Variants in RIN2 observed in about 807,000 individuals in gnomAD.
The protein encoded by RIN2 is RAB5 interacting protein 2.
In RIN2, 36 loss-of-function variants were observed where a neutral mutation model predicts 78.0. That is an observed-to-expected ratio of 0.46 (90% CI 0.35 to 0.61). The LOEUF is 0.61. Ranked by LOEUF, RIN2 falls within the 20% of genes least tolerant of loss-of-function variation. RIN2 has a pLI of 0.00. For synonymous variants in RIN2, 466 were observed against 466.8 expected, an observed-to-expected ratio of 1.00 and a Z score of 0.02; for missense variants, 1,087 against 1,159.7, an observed-to-expected ratio of 0.94 and a Z score of 0.91.
At chr20:19,942,624 T>G (rs985314035) in intron 4 of RIN2, among the ~76,000 whole-genome samples, 3 of 152,208 alleles carry the variant, frequency 2.0e-5, no homozygotes, top group South Asian at 2.1e-4. Context: ...TTGATGTGTA[T>G]CCTTCTGATG....
At chr20:19,848,380 C>A (rs534522964) in intron 2 of RIN2, among the ~76,000 whole-genome samples, 1 of 151,752 alleles carries the variant, frequency 6.6e-6, no homozygotes, top group East Asian at 1.9e-4. Flanking sequence ...TAAAAACACA[C>A]AAAAAATTAG....
In RIN2 at chr20:19,769,260, A is replaced by G. The variant is rs906432674; in HGVS notation, c.-163+10933A>G. Among the ~76,000 whole-genome samples the G allele has an allele frequency of 3.3e-5, 5 of 152,214 alleles. No homozygotes were observed. In the East Asian group the frequency reaches 9.7e-4, roughly 29 times the overall value. ...CGGCCAGCTTTCTGTTTCTATTATTATTGGCTCTGAGTTCCTTGAAGGGTA... is the reference window on the plus strand; with the variant it reads ...CGGCCAGCTTTCTGTTTCTATTATTGTTGGCTCTGAGTTCCTTGAAGGGTA... On this transcript the variant is annotated intron_variant, in intron 1 of 12. Coordinates refer to ENST00000255006, the MANE Select transcript of RIN2 (RefSeq NM_018993.4).
intron 2 of RIN2, among the ~76,000 whole-genome samples, chr20:19,856,590 G>A (rs1359900275): frequency 6.7e-6 from 1 of 150,292 alleles, no homozygotes; most frequent in African/African-American, 2.4e-5. Context: ...GGAAGGGAGG[G>A]AGGGAGGATG....
At chr20:19,851,065 G>A (rs1232309911) in intron 2 of RIN2, among the ~76,000 whole-genome samples, 1 of 150,084 alleles carries the variant, frequency 6.7e-6, no homozygotes, top group Non-Finnish European at 1.5e-5. Context: ...AGAAAGGAAG[G>A]AAGGAAGGAA....
intron 4 of RIN2, among the ~76,000 whole-genome samples, chr20:19,937,290 C>T (rs141680415): frequency 6.6e-6 from 1 of 152,344 alleles, no homozygotes; most frequent in East Asian, 1.9e-4. Context: ...AAGAGGAAAG[C>T]AGACCAGTAG....
chr20:19,759,830 C>T (rs1306775614), intron 1 of RIN2, among the ~76,000 whole-genome samples: 1 of 152,146 alleles, frequency 6.6e-6, no homozygotes, highest in Non-Finnish European at 1.5e-5. Context: ...TGCCACTCCA[C>T]TCAGCCTGGG....
chr20:19,779,088 G>A (rs1265478655), intron 1 of RIN2, among the ~76,000 whole-genome samples: 1 of 152,154 alleles, frequency 6.6e-6, no homozygotes, highest in African/African-American at 2.4e-5. Flanking sequence ...AGTGACGGGA[G>A]GATTTATCTT....
At chr20:19,778,249 A>G (rs1223293123) in intron 1 of RIN2, among the ~76,000 whole-genome samples, 1 of 152,258 alleles carries the variant, frequency 6.6e-6, no homozygotes, top group African/African-American at 2.4e-5. Flanking sequence ...ACATTTACAT[A>G]GACTCAGAAT....
At position 19,876,907 on chromosome 20, in the gene RIN2, A is replaced by AAC. The variant is rs1555782274; in HGVS notation, c.-36-12658_-36-12657insCA. ...GGCAATAGAGACTCCATCTCAAAAAAAAAAAACAAAAAACAAACAAACAAA... is the reference window on the plus strand; with the variant it reads ...GGCAATAGAGACTCCATCTCAAAAAAACAAAAAACAAAAAACAAACAAACAAA... On this transcript the variant is annotated intron_variant, in intron 2 of 12. Coordinates refer to ENST00000255006, the MANE Select transcript of RIN2 (RefSeq NM_018993.4). Among the ~76,000 whole-genome samples, 3 of 151,426 alleles carry AAC rather than the reference A, an allele frequency of 2.0e-5. 1 individual carries two copies. Among genetic ancestry groups the AAC allele is most frequent in the Admixed American group, 2.0e-4 (3 of 15,186 alleles).
At chr20:19,838,458 A>G (rs1461938788) in intron 2 of RIN2, among the ~76,000 whole-genome samples, 1 of 152,204 alleles carries the variant, frequency 6.6e-6, no homozygotes, top group Non-Finnish European at 1.5e-5. Flanking sequence ...TTATAACTAC[A>G]TATATATTTC....
chr20:19,928,908 A>G (rs1402608616), intron 3 of RIN2, among the ~76,000 whole-genome samples: 2 of 152,134 alleles, frequency 1.3e-5, no homozygotes, highest in Non-Finnish European at 2.9e-5. Flanking sequence ...GCAGGGAAAA[A>G]CAAACACAGG....
intron 4 of RIN2, among the ~76,000 whole-genome samples, chr20:19,942,118 A>AAAAAAAG (rs61328325): frequency 7.0e-6 from 1 of 142,998 alleles, no homozygotes. Flanking sequence ...TCAAAAAAAA[A>AAAAAAAG]AAAAGAAAGA....
At chr20:19,904,231 C>CAAAA (rs200273051) in intron 3 of RIN2, among the ~76,000 whole-genome samples, 2 of 121,100 alleles carry the variant, frequency 1.7e-5, no homozygotes, top group African/African-American at 5.5e-5. Context: ...GACTTCGTCT[C>CAAAA]AAAAAAAAAA....
rs375687582 is a variant in RIN2 at position 19,975,036 on chromosome 20, A to T, written c.1011A>T (p.Thr337=). Residue 337 remains threonine (T), a synonymous_variant, in exon 9 of 13, where the codon ACA becomes ACT. Coordinates refer to ENST00000255006, the MANE Select transcript of RIN2 (RefSeq NM_018993.4). This position sits in a 1 kb window ranked among gnomAD's most constrained non-coding sequence, Gnocchi z 4.9. ...AAACCCAGACGAGCATGCCAGAAAC[A>T]GTCAACCATAACAAACATGGGAACG... ...RTETQTSMPE[T]VNHNKHGNVA... is the part of the protein sequence containing the mutation. 12 of 1,613,320 alleles carry T rather than the reference A, an allele frequency of 7.4e-6. No homozygotes were observed. The highest frequency in any genetic ancestry group is 1.0e-5 in the Non-Finnish European group (12 of 1,179,836).
intron 8 of RIN2, among the ~76,000 whole-genome samples, chr20:19,973,522 C>T (rs2042171383): frequency 1.3e-5 from 2 of 152,230 alleles, no homozygotes; most frequent in Admixed American, 1.3e-4. Context: ...GGCACAGTGG[C>T]TCACTCCTGT....
Position 19,975,538 on chromosome 20 carries a change from A to G in RIN2, c.1513A>G (p.Ser505Gly). 6.2e-7 allele frequency: 1 copy of G among 1,614,042 alleles called. No individual in the cohort carries two copies. The highest frequency in any genetic ancestry group is 8.5e-7 in the Non-Finnish European group (1 of 1,179,890). ...SQLQKVSGVF[S>G]SFMTPEKRMV... ...GCTGCAGAAGGTGAGCGGGGTGTTC[A>G]GCTCCTTCATGACCCCGGAGAAGCG... is the stretch of plus-strand genomic sequence containing the variant. The change falls in exon 9 of 13, where the codon AGC (serine) becomes GGC (glycine). Residue 505 changes from serine to glycine, a missense_variant. Ser to Gly is a moderately conservative substitution (Grantham distance 56). Transcript: ENST00000255006. The surrounding 1 kb of genome is among the most constrained non-coding windows in gnomAD (Gnocchi z 4.9).
intron 6 of RIN2, 39 bp downstream of exon 6, chr20:19,960,850 G>C: frequency 7.8e-7 from 1 of 1,288,020 alleles, no homozygotes; most frequent in Middle Eastern, 1.8e-4. Flanking sequence ...GACTGACAGG[G>C]CCACGGGGCT....
At chr20:19,930,516 A>G (rs1279558807) in intron 3 of RIN2, among the ~76,000 whole-genome samples, 1 of 152,204 alleles carries the variant, frequency 6.6e-6, no homozygotes, top group Non-Finnish European at 1.5e-5. Context: ...TTATGTTCAA[A>G]TCAGTATGAT....
intron 4 of RIN2, among the ~76,000 whole-genome samples, chr20:19,940,454 C>G (rs965192376): frequency 1.3e-5 from 2 of 152,232 alleles, no homozygotes; most frequent in Admixed American, 6.5e-5. Context: ...AGGCCCTTCC[C>G]CCAGTCTCCA....
Sources: allele counts gnomAD v4.1 joint callset (sites outside exome capture counted in the v4.1 genomes callset), GRCh38; gene constraint gnomAD v4.1.1; non-coding constraint Gnocchi (gnomAD v3.1); transcripts MANE v1.5; gene names NCBI Gene and HGNC (gene_info 2026-07-23, HGNC 2026-07-21).